NDUFAF5: variants seen among roughly 807,000 people sequenced by gnomAD.
The protein encoded by NDUFAF5 is NADH:ubiquinone oxidoreductase complex assembly factor 5.
In NDUFAF5, 34 loss-of-function variants were observed where a neutral mutation model predicts 48.9. The observed-to-expected ratio is 0.70, with a 90% CI of 0.53 to 0.93. The LOEUF (loss-of-function observed/expected upper bound fraction) is 0.93. Among genes scored for constraint, NDUFAF5 ranks in the 40% least tolerant of loss-of-function variants. The pLI is 0.00. For synonymous variants in NDUFAF5, 153 were observed against 150.6 expected, an observed-to-expected ratio of 1.02 and a Z score of -0.12; for missense variants, 428 against 427.5, an observed-to-expected ratio of 1.00 and a Z score of -0.01.
chr20:13,791,876 AG>A (rs1982337058), intron 3 of NDUFAF5, among the ~76,000 whole-genome samples: 4 of 152,206 alleles, frequency 2.6e-5, no homozygotes, highest in Admixed American at 2.6e-4. Flanking sequence ...GCTACACCCA[AG>A]GGTAGCTGAA....
intron 5 of NDUFAF5, among the ~76,000 whole-genome samples, chr20:13,796,535 T>C (rs1363892399): frequency 1.3e-5 from 2 of 152,138 alleles, no homozygotes; most frequent in African/African-American, 2.4e-5. Context: ...CTTAACACAG[T>C]ATGGTTTGAA....
chr20:13,811,810 A>G (rs1985905116), intron 8 of NDUFAF5, among the ~76,000 whole-genome samples: 1 of 152,200 alleles, frequency 6.6e-6, no homozygotes, highest in African/African-American at 2.4e-5. Flanking sequence ...TCTTTTATAT[A>G]TATAGACTGA....
chr20:13,794,833 A>G lies in NDUFAF5; in HGVS notation c.376-5A>G, dbSNP rs754337296. The G allele has an allele frequency of 2.1e-5, 33 of 1,556,278 alleles. No homozygotes were observed. In the South Asian group the frequency reaches 3.5e-4, roughly 16 times the overall value. ...GATTTTGATCTTTCGTTTTCTTAAC[A>G]TTAGAAAAATTCCTCAGAAACAGAA... On this transcript the variant is annotated splice_polypyrimidine_tract_variant and splice_region_variant and intron_variant, in intron 4 of 10. Transcript: ENST00000378106.
intron 7 of NDUFAF5, among the ~76,000 whole-genome samples, chr20:13,805,854 G>T (rs1314585530): frequency 6.6e-6 from 1 of 152,004 alleles, no homozygotes; most frequent in Non-Finnish European, 1.5e-5. Flanking sequence ...TTGAGCCTGG[G>T]ACGTTGAGGC....
chr20:13,802,760 A>G (rs1984397437), intron 7 of NDUFAF5, among the ~76,000 whole-genome samples: 1 of 151,454 alleles, frequency 6.6e-6, no homozygotes, highest in African/African-American at 2.4e-5. Flanking sequence ...GTAGATGCTC[A>G]GCTTACATTA....
chr20:13,810,570 G>A (rs970869170), intron 8 of NDUFAF5, among the ~76,000 whole-genome samples: 1 of 152,012 alleles, frequency 6.6e-6, no homozygotes, highest in Non-Finnish European at 1.5e-5. Context: ...AAAGGTTACA[G>A]GTGTCAGAAG....
chr20:13,810,942 G>A (rs1985775878), intron 8 of NDUFAF5, among the ~76,000 whole-genome samples: 1 of 152,138 alleles, frequency 6.6e-6, no homozygotes, highest in South Asian at 2.1e-4. Context: ...GTTTTGAGAA[G>A]TGAATGGAAC....
At chr20:13,789,453 CTG>C (rs1216955350) in intron 3 of NDUFAF5, among the ~76,000 whole-genome samples, 1 of 149,702 alleles carries the variant, frequency 6.7e-6, no homozygotes, top group Non-Finnish European at 1.5e-5. Flanking sequence ...GCGTGAGCTA[CTG>C]CGCCCAGCCT....
rs749914085 is a variant in NDUFAF5 at position 13,818,598 on chromosome 20, G to T, written c.*1388G>T. 207 of 218,938 alleles carry T rather than the reference G, an allele frequency of 9.5e-4. No homozygotes were observed. The highest frequency in any genetic ancestry group is 2.1e-3 in the Middle Eastern group (1 of 484). The allele number at this position is 218,938 out of a possible 1,614,324, so 13.6% of individuals were successfully genotyped here. The stretch of plus-strand genomic sequence containing the variant: ...AGTTCAAGGCTGCAGTGAGCTGTCT[G>T]TGCCACGGCACTCCAACCTGGGCAA... On this transcript the variant is annotated 3_prime_UTR_variant, in exon 11 of 11. Coordinates refer to ENST00000378106, the MANE Select transcript of NDUFAF5 (RefSeq NM_024120.5).
chr20:13,818,655 CA>C lies in NDUFAF5; in HGVS notation c.*1450del. ...AGACCTCATCTAAAGAAAAATCCAC[CA>C]AAAACCCTGTGTTTTAAAGTGCAAA... On this transcript the variant is annotated 3_prime_UTR_variant, in exon 11 of 11. Transcript: ENST00000378106. 5.7e-6 allele frequency: 1 copy of C among 175,374 alleles called. No individual in the cohort carries two copies. The highest frequency in any genetic ancestry group is 1.2e-5 in the Non-Finnish European group (1 of 81,776). 10.9% of individuals were successfully genotyped at this position (175,374 alleles called of 1,614,324 possible). A position where few individuals can be genotyped will look rare whatever the true frequency, so the allele number is the denominator to read the frequency against.
chr20:13,816,766 C>T, intron 9 of NDUFAF5, 109 bp from the exon 10 acceptor site: 1 of 805,026 alleles, frequency 1.2e-6, no homozygotes, highest in Non-Finnish European at 2.2e-6. Flanking sequence ...TTCTCAGAAT[C>T]TTACAAGTAT....
rs116812607 is a variant in NDUFAF5 at position 13,789,180 on chromosome 20, T to C, written c.327+528T>C. 3.9e-3 allele frequency among the ~76,000 whole-genome samples: 595 copies of C among 152,320 alleles called. 4 individuals carry two copies. The highest frequency in any genetic ancestry group is 0.014 in the African/African-American group (575 of 41,576). ...GATGAAAGTGGAATTTCTTTTTTTT[T>C]CTGAGATGGAGTCTCACTCTGTTGC... On this transcript the variant is annotated intron_variant, in intron 3 of 10. Transcript: ENST00000378106.
At position 13,817,203 on chromosome 20, in the gene NDUFAF5, C is replaced by T. The variant is rs1600397979; in HGVS notation, c.1031C>T (p.Ser344Leu). 1 of 1,610,744 alleles carries T rather than the reference C, an allele frequency of 6.2e-7. No homozygotes were observed. The highest frequency in any genetic ancestry group is 2.2e-5 in the East Asian group (1 of 44,826). The change falls in exon 11 of 11, where the codon TCA becomes TTA. Residue 344 changes from serine to leucine, a missense_variant. Transcript: ENST00000378106. Reference protein sequence around the residue: ...INNLMPPGKKSQ With the variant: ...INNLMPPGKKLQ ...AACCTTATGCCACCGGGGAAAAAAT[C>T]ACAATAAATATTTATTCAGTGTTAA... is the stretch of plus-strand genomic sequence containing the variant.
intron 4 of NDUFAF5, among the ~76,000 whole-genome samples, chr20:13,793,758 G>A (rs1220021745): frequency 6.6e-6 from 1 of 152,122 alleles, no homozygotes; most frequent in African/African-American, 2.4e-5. Flanking sequence ...TCCTGGTAGC[G>A]GAATTTATGG....
At chr20:13,807,191 C>T (rs1417872645) in intron 7 of NDUFAF5, among the ~76,000 whole-genome samples, 1 of 152,128 alleles carries the variant, frequency 6.6e-6, no homozygotes, top group African/African-American at 2.4e-5. Context: ...GGACTACAGG[C>T]ACCAACCACC....
intron 6 of NDUFAF5, among the ~76,000 whole-genome samples, chr20:13,800,735 A>G (rs938475922): frequency 6.6e-6 from 1 of 152,192 alleles, no homozygotes; most frequent in African/African-American, 2.4e-5. Context: ...TATGTAGCCC[A>G]TGATTTTGTG....
Position 13,816,560 on chromosome 20 carries a change from A to T in NDUFAF5, c.862+14A>T, listed in dbSNP as rs764417651. 1.2e-6 allele frequency: 2 copies of T among 1,601,538 alleles called. No individual in the cohort carries two copies. Among genetic ancestry groups the T allele is most frequent in the African/African-American group, 2.7e-5 (2 of 74,330 alleles). ...CAGTGTACAGAGGTAAGGGGCGACCACTCTTTCACCCGCCTCACCAAGGCA... is the reference window on the plus strand; with the variant it reads ...CAGTGTACAGAGGTAAGGGGCGACCTCTCTTTCACCCGCCTCACCAAGGCA... On this transcript the variant is annotated intron_variant, in intron 9 of 10. Transcript: ENST00000378106.
In NDUFAF5 at chr20:13,812,689, C is replaced by T. The variant is rs934848299; in HGVS notation, c.779-3774C>T. On this transcript the variant is annotated intron_variant, in intron 8 of 10. Transcript: ENST00000378106. ...TTTACCGGTGAGCAAATTGAGGCAT[C>T]GAGAAGTTAAGTATCTTGTCCATGG... Among the ~76,000 whole-genome samples the T allele has an allele frequency of 1.7e-4, 26 of 152,244 alleles. No homozygotes were observed. In the Middle Eastern group the frequency reaches 0.014, roughly 80 times the overall value.
intron 7 of NDUFAF5, among the ~76,000 whole-genome samples, chr20:13,807,959 A>G (rs1985312507): frequency 6.6e-6 from 1 of 152,104 alleles, no homozygotes; most frequent in Non-Finnish European, 1.5e-5. Flanking sequence ...AAAAAAAAAA[A>G]AAATTATTTT....
Sources: allele counts gnomAD v4.1 joint callset (sites outside exome capture counted in the v4.1 genomes callset), GRCh38; gene constraint gnomAD v4.1.1; transcripts MANE v1.5; gene names NCBI Gene and HGNC (gene_info 2026-07-23, HGNC 2026-07-21).